Variants in CTNNA3 observed in about 807,000 individuals in gnomAD.
The protein encoded by CTNNA3 is catenin alpha 3, also known as catenin alpha-3.
Under a neutral mutation model 95.7 loss-of-function variants are expected in CTNNA3, and 76 were observed. The observed-to-expected ratio is 0.79, with a 90% confidence interval of 0.66 to 0.96. CTNNA3 has a LOEUF of 0.96. Among genes scored for constraint, CTNNA3 ranks in the 40% least tolerant of loss-of-function variants. The pLI, the probability that CTNNA3 is intolerant of heterozygous loss-of-function variation, is 0.00. For synonymous variants in CTNNA3, 431 were observed against 374.4 expected, an observed-to-expected ratio of 1.15 and a Z score of -1.74; for missense variants, 1,191 against 1,089.8, an observed-to-expected ratio of 1.09 and a Z score of -1.31.
chr10:66,901,597 T>A (rs988049772), intron 7 of CTNNA3, among the ~76,000 whole-genome samples: 1 of 151,854 alleles, frequency 6.6e-6, no homozygotes, highest in Non-Finnish European at 1.5e-5. Flanking sequence ...GGATAAAGAG[T>A]CAAGACCCAT....
intron 10 of CTNNA3, among the ~76,000 whole-genome samples, chr10:66,574,870 A>G (rs1842962727): frequency 6.6e-6 from 1 of 152,086 alleles, no homozygotes; most frequent in South Asian, 2.1e-4. Context: ...TGGAGTCTAT[A>G]TTAACTGCAT....
chr10:67,483,622 G>A (rs187596542), intron 5 of CTNNA3, among the ~76,000 whole-genome samples: 3,455 of 151,494 alleles, frequency 0.023, 100 homozygotes, highest in African/African-American at 0.068. Context: ...GTGGCGGGAG[G>A]GGGGAGGAAT....
rs549588859 is a variant in CTNNA3, at chr10:67,238,383, C to T, written c.580-18513G>A. 1.3e-4 allele frequency among the ~76,000 whole-genome samples: 19 copies of T among 151,576 alleles called. No individual in the cohort carries two copies. In the South Asian group the frequency reaches 3.5e-3, roughly 28 times the overall value. On this transcript the variant is annotated intron_variant, in intron 5 of 17. Transcript: ENST00000433211. ...TCAACCCAGTAATTTTATGTGCTAG[C>T]CCAAAAGGCCAAATATATATTTATA... is the stretch of plus-strand genomic sequence containing the variant.
intron 7 of CTNNA3, among the ~76,000 whole-genome samples, chr10:66,787,468 T>A (rs73310838): frequency 6.6e-6 from 1 of 151,956 alleles, no homozygotes; most frequent in Non-Finnish European, 1.5e-5. Context: ...CAGCTTTATC[T>A]CTATTGGGCT....
At chr10:66,753,315 A>G (rs1839234331) in intron 9 of CTNNA3, among the ~76,000 whole-genome samples, 1 of 152,166 alleles carries the variant, frequency 6.6e-6, no homozygotes, top group Non-Finnish European at 1.5e-5. Context: ...ACACATTCAC[A>G]CAGCAACAAT....
intron 5 of CTNNA3, among the ~76,000 whole-genome samples, chr10:67,468,500 A>G (rs898755234): frequency 2.0e-5 from 3 of 152,224 alleles, no homozygotes; most frequent in Admixed American, 2.0e-4. Flanking sequence ...TCTTTAAAAG[A>G]CTGAACAAAT....
At chr10:66,255,193 CAGGCCTAGACTGCTCATCCAGGCAAGGGT>C (rs1323178429) in intron 13 of CTNNA3, among the ~76,000 whole-genome samples, 1 of 152,274 alleles carries the variant, frequency 6.6e-6, no homozygotes, top group East Asian at 1.9e-4. Context: ...CAAACAAGGG[CAGGCCTAGACTGCTCATCCAGGCAAGGGT>C]AGGCCCTCTA....
At chr10:67,736,083 T>C (rs1234697852) in intron 1 of CTNNA3, among the ~76,000 whole-genome samples, 1 of 152,188 alleles carries the variant, frequency 6.6e-6, no homozygotes. Flanking sequence ...AAATGTGGTA[T>C]ATACATACAA....
At chr10:67,125,805 T>C (rs1173254022) in intron 7 of CTNNA3, among the ~76,000 whole-genome samples, 1 of 152,164 alleles carries the variant, frequency 6.6e-6, no homozygotes, top group Admixed American at 6.6e-5. Context: ...AGTAGCCCTG[T>C]TGAGGGTGAT....
intron 1 of CTNNA3, among the ~76,000 whole-genome samples, chr10:67,668,971 T>C (rs1414301697): frequency 6.6e-6 from 1 of 151,650 alleles, no homozygotes; most frequent in African/African-American, 2.4e-5. Flanking sequence ...CCCGAGCAGC[T>C]GGGATTACAG....
chr10:66,868,837 A>G (rs1173401755), intron 7 of CTNNA3, among the ~76,000 whole-genome samples: 1 of 152,214 alleles, frequency 6.6e-6, no homozygotes, highest in Non-Finnish European at 1.5e-5. Context: ...CACAAAATGC[A>G]CTTGACACTA....
At chr10:67,071,416 G>A (rs1856452939) in intron 7 of CTNNA3, among the ~76,000 whole-genome samples, 1 of 150,664 alleles carries the variant, frequency 6.6e-6, no homozygotes, top group Admixed American at 6.6e-5. Context: ...TAGGTTTGCA[G>A]TTATCTTCTC....
chr10:67,227,575 G>A (rs10997582), intron 5 of CTNNA3, among the ~76,000 whole-genome samples: 24,380 of 152,120 alleles, frequency 0.16, 2,550 homozygotes, highest in African/African-American at 0.3. Flanking sequence ...TCTACGCAAT[G>A]AGATAGCAAC....
intron 15 of CTNNA3, among the ~76,000 whole-genome samples, chr10:66,040,111 C>T (rs1434018531): frequency 2.6e-5 from 4 of 152,034 alleles, no homozygotes; most frequent in African/African-American, 4.8e-5. Flanking sequence ...GTAGCCAACA[C>T]ACTTATTTAA....
At chr10:66,957,447 T>C (rs1848879316) in intron 7 of CTNNA3, among the ~76,000 whole-genome samples, 2 of 30,202 alleles carry the variant, frequency 6.6e-5, no homozygotes, top group African/African-American at 2.3e-4. Context: ...TATATGCATA[T>C]ATATATATGC....
At chr10:67,184,760 A>C (rs1223154205) in intron 6 of CTNNA3, among the ~76,000 whole-genome samples, 1 of 152,216 alleles carries the variant, frequency 6.6e-6, no homozygotes, top group Non-Finnish European at 1.5e-5. Context: ...TAAAGCATCA[A>C]TGATTTTACC....
intron 7 of CTNNA3, among the ~76,000 whole-genome samples, chr10:66,935,994 G>C (rs1255392367): frequency 6.6e-6 from 1 of 152,086 alleles, no homozygotes; most frequent in Non-Finnish European, 1.5e-5. Context: ...ACATCCCTCT[G>C]CTAGTTAAAG....
chr10:67,347,064 A>T (rs1002260330), intron 5 of CTNNA3, among the ~76,000 whole-genome samples: 12 of 144,354 alleles, frequency 8.3e-5, no homozygotes, highest in African/African-American at 3.0e-4. Context: ...TAATCCTAGA[A>T]TTTTTTTTTT....
At chr10:66,674,108 A>G (rs1307261429) in intron 9 of CTNNA3, among the ~76,000 whole-genome samples, 1 of 151,864 alleles carries the variant, frequency 6.6e-6, no homozygotes, top group Non-Finnish European at 1.5e-5. Context: ...AATTCCATCT[A>G]TTCTTATAAG....
Sources: gnomAD v4.1 joint callset for allele counts (sites outside exome capture counted in the v4.1 genomes callset) on GRCh38, gnomAD v4.1.1 for gene constraint, MANE v1.5 for transcripts, NCBI Gene and HGNC (gene_info 2026-07-23, HGNC 2026-07-21) for gene names.